Variants in CD55 observed in about 807,000 individuals in gnomAD.
CD55 encodes CD55 molecule (Cromer blood group).
Under a neutral mutation model 45.8 loss-of-function variants are expected in CD55, and 41 were observed. That is an observed-to-expected ratio of 0.90 (90% CI 0.70 to 1.16). CD55 has a LOEUF of 1.16. CD55 is among the 50% of genes most tolerant of loss of function. The pLI is 0.00. For synonymous variants in CD55, 181 were observed against 181.1 expected (o/e 1.00, Z 0.01); for missense variants, 416 against 469.8 (o/e 0.89, Z 1.06).
chr1:207,331,028 C>T lies in CD55; in HGVS notation c.665-80C>T. ...TATTTTGATTTCTTTAAAATATAATCTTTAACATGTTTTGATCTTATTTGT... is the reference window on the plus strand; with the variant it reads ...TATTTTGATTTCTTTAAAATATAATTTTTAACATGTTTTGATCTTATTTGT... On this transcript the variant is annotated intron_variant, in intron 5 of 9. Transcript: ENST00000367064. The T allele has an allele frequency of 2.9e-6, 3 of 1,042,464 alleles. No homozygotes were observed. In the South Asian group the frequency reaches 4.9e-5, roughly 17 times the overall value. 64.6% of individuals were successfully genotyped at this position (1,042,464 alleles called of 1,614,324 possible). A position where few individuals can be genotyped will look rare whatever the true frequency, so the allele number is the denominator to read the frequency against.
At chr1:207,331,367 C>G (rs1023945111) in intron 6 of CD55, 71 bp downstream of exon 6, 1 of 1,160,764 alleles carries the variant, frequency 8.6e-7, no homozygotes, top group Non-Finnish European at 1.3e-6. Context: ...TGCAGACATT[C>G]AATGAACCCC....
intron 9 of CD55, chr1:207,358,367 G>A (rs1305914173): frequency 6.6e-6 from 1 of 152,180 alleles, no homozygotes; most frequent in Non-Finnish European, 1.5e-5. Context: ...CCTATCAGAG[G>A]ATTGATTTAT....
chr1:207,354,108 ATAGAAT>A lies in CD55; in HGVS notation c.1082-5436_1082-5431del. The A allele has an allele frequency of 2.0e-6, 3 of 1,524,680 alleles. No homozygotes were observed. The South Asian group carries it at 3.6e-5, about 18-fold the overall frequency. 94.4% of individuals were successfully genotyped at this position (1,524,680 alleles called of 1,614,324 possible). On this transcript the variant is annotated intron_variant, in intron 9 of 9. Transcript: ENST00000367064. The stretch of plus-strand genomic sequence containing the variant: ...CACTCCAGTTCTTGGAGGTAGGTAG[ATAGAAT>A]TCTAAGTTGGGTTCTTTGGCAGTGA...
intron 9 of CD55, among the ~76,000 whole-genome samples, chr1:207,347,827 G>A (rs979940575): frequency 6.6e-6 from 1 of 152,198 alleles, no homozygotes; most frequent in East Asian, 1.9e-4. Context: ...GTGAGAAGAT[G>A]CAGTATTTGG....
intron 9 of CD55, among the ~76,000 whole-genome samples, chr1:207,341,572 G>A (rs1023987422): frequency 4.6e-5 from 7 of 152,058 alleles, no homozygotes; most frequent in Non-Finnish European, 1.0e-4. Context: ...ATAAATATGT[G>A]GATTTATTTC....
At chr1:207,359,442 C>G (rs1656201885) in intron 9 of CD55, 104 bp from the exon 10 acceptor site, 2 of 1,164,514 alleles carry the variant, frequency 1.7e-6, no homozygotes, top group Non-Finnish European at 2.3e-6. Flanking sequence ...TTAACTGATT[C>G]TTTTTGGTGA....
Position 207,321,697 on chromosome 1 carries a change from C to A in CD55, c.-69C>A. 2.5e-6 allele frequency: 3 copies of A among 1,211,878 alleles called. No individual in the cohort carries two copies. The highest frequency in any genetic ancestry group is 3.1e-5 in the South Asian group (2 of 65,484). 75.1% of individuals were successfully genotyped at this position (1,211,878 alleles called of 1,614,324 possible). A position where few individuals can be genotyped will look rare whatever the true frequency, so the allele number is the denominator to read the frequency against. On this transcript the variant is annotated 5_prime_UTR_variant, in exon 1 of 10. Transcript: ENST00000367064. Reference sequence around the variant, plus strand: ...AGGCTTCTGCTTACTGCAACTCGCTCCGGCCGCTGGGCGTAGCTGCGACTC... The same window carrying A: ...AGGCTTCTGCTTACTGCAACTCGCTACGGCCGCTGGGCGTAGCTGCGACTC...
intron 9 of CD55, among the ~76,000 whole-genome samples, chr1:207,343,267 T>TA (rs1374729627): frequency 6.6e-6 from 1 of 152,172 alleles, no homozygotes; most frequent in African/African-American, 2.4e-5. Context: ...GATGCATTGT[T>TA]AGATTGTTTA....
At chr1:207,333,871 G>A (rs151310724) in intron 6 of CD55, among the ~76,000 whole-genome samples, 2,134 of 152,152 alleles carry the variant, frequency 0.014, 24 homozygotes, top group Non-Finnish European at 0.022. Flanking sequence ...ATAGATAAAA[G>A]TTTGAGACAT....
At chr1:207,327,558 T>C (rs1486079579) in intron 5 of CD55, among the ~76,000 whole-genome samples, 2 of 152,186 alleles carry the variant, frequency 1.3e-5, no homozygotes, top group Non-Finnish European at 2.9e-5. Context: ...ACATGCAACA[T>C]TTTAAAATGT....
chr1:207,357,260 T>C (rs1386035625), intron 9 of CD55, among the ~76,000 whole-genome samples: 1 of 152,142 alleles, frequency 6.6e-6, no homozygotes, highest in Non-Finnish European at 1.5e-5. Flanking sequence ...ATAGCAAATA[T>C]AGTAAGACAT....
At chr1:207,322,699 A>T in intron 2 of CD55, 132 bp downstream of exon 2, 1 of 705,804 alleles carries the variant, frequency 1.4e-6, no homozygotes, top group South Asian at 2.1e-5. Context: ...CCCTGTTGGC[A>T]CGTCACACTC....
At chr1:207,324,910 T>G (rs903178898) in intron 3 of CD55, among the ~76,000 whole-genome samples, 160 bp downstream of exon 3, 3 of 152,196 alleles carry the variant, frequency 2.0e-5, no homozygotes, top group African/African-American at 7.2e-5. Context: ...GACTAAATAT[T>G]TATGTGGTAG....
At chr1:207,340,388 C>T in intron 9 of CD55, 1 of 423,934 alleles carries the variant, frequency 2.4e-6, no homozygotes, top group Non-Finnish European at 4.2e-6. Flanking sequence ...TTTTTTGAGA[C>T]AGGTTCTCGT....
intron 9 of CD55, among the ~76,000 whole-genome samples, chr1:207,345,716 C>T (rs548121796): frequency 8.0e-4 from 121 of 152,112 alleles, no homozygotes; most frequent in Non-Finnish European, 1.3e-3. Flanking sequence ...TCTAATTTTT[C>T]AAATTTGCTT....
intron 9 of CD55, among the ~76,000 whole-genome samples, chr1:207,353,136 C>T (rs1655948051): frequency 7.1e-6 from 1 of 141,008 alleles, no homozygotes. Context: ...TCACGGCAAC[C>T]TCTGTTTCCC....
At chr1:207,323,668 T>C (rs1572867646) in intron 2 of CD55, among the ~76,000 whole-genome samples, 1 of 152,220 alleles carries the variant, frequency 6.6e-6, no homozygotes, top group African/African-American at 2.4e-5. Context: ...AATACAGAAA[T>C]TGGCACAAAT....
At chr1:207,349,672 C>T (rs1338379713) in intron 9 of CD55, among the ~76,000 whole-genome samples, 1 of 152,134 alleles carries the variant, frequency 6.6e-6, no homozygotes, top group Admixed American at 6.6e-5. Flanking sequence ...CTTGATTTGG[C>T]TGTCAGCTTG....
intron 9 of CD55, among the ~76,000 whole-genome samples, chr1:207,359,200 A>G (rs1656191049): frequency 6.6e-6 from 1 of 152,128 alleles, no homozygotes; most frequent in Admixed American, 6.5e-5. Flanking sequence ...CACATGTAGT[A>G]GTATTCAGGG....
Sources: allele counts gnomAD v4.1 joint callset (sites outside exome capture counted in the v4.1 genomes callset), GRCh38; gene constraint gnomAD v4.1.1; transcripts MANE v1.5; gene names NCBI Gene and HGNC (gene_info 2026-07-23, HGNC 2026-07-21).